Variants in NFIC observed in about 807,000 individuals in gnomAD.
The protein encoded by NFIC is nuclear factor I C.
A neutral mutation model predicts 54.4 loss-of-function variants in NFIC; 12 were observed. The observed-to-expected ratio is 0.22, with a 90% CI of 0.14 to 0.36. NFIC has a LOEUF of 0.36. Ranked by LOEUF, NFIC falls within the 10% of genes least tolerant of loss-of-function variation. The pLI is 1.00. For missense variants in NFIC, 575 were observed against 718.2 expected (o/e 0.80, Z 2.28); for synonymous variants, 322 against 319.2 (o/e 1.01, Z -0.09).
intron 6 of NFIC, among the ~76,000 whole-genome samples, chr19:3,435,663 T>G (rs983107484): frequency 6.6e-6 from 1 of 152,084 alleles, no homozygotes; most frequent in South Asian, 2.1e-4. Context: ...TACTTTTTTT[T>G]TTAACCAGGT....
In NFIC at chr19:3,458,002, G is replaced by A. The variant is rs949193827; in HGVS notation, c.1509+1367G>A. 1 of 152,330 alleles carries A rather than the reference G, an allele frequency of 6.6e-6. No individual in the cohort carries two copies. The highest frequency in any genetic ancestry group is 1.5e-5 in the Non-Finnish European group (1 of 68,120). The allele number at this position is 152,330 out of a possible 1,614,324, so 9.4% of individuals were successfully genotyped here. A position where few individuals can be genotyped will look rare whatever the true frequency, so the allele number is the denominator to read the frequency against. On this transcript the variant is annotated intron_variant, in intron 10 of 10. Coordinates refer to ENST00000443272, the MANE Select transcript of NFIC (RefSeq NM_001245002.2). This position sits in a 1 kb window ranked among gnomAD's most constrained non-coding sequence, Gnocchi z 4.1. ...GGTCAGGGGCCAGGGCTCCAGCCCA[G>A]TGCTGGCTCACCCACTCTGAACCTC...
At chr19:3,385,113 C>A (rs1374766841) in intron 2 of NFIC, among the ~76,000 whole-genome samples, 7 of 150,866 alleles carry the variant, frequency 4.6e-5, no homozygotes, top group Non-Finnish European at 7.4e-5. Context: ...CCCTTGCCCC[C>A]AGCCTGCCCC....
At chr19:3,373,951 T>C (rs146422550) in intron 1 of NFIC, among the ~76,000 whole-genome samples, 17 of 152,322 alleles carry the variant, frequency 1.1e-4, no homozygotes, top group African/African-American at 4.1e-4. Flanking sequence ...GGTTAGAGCC[T>C]GACGCTGGTG....
At chr19:3,362,200 C>T (rs973651247), upstream of NFIC, among the ~76,000 whole-genome samples, 24 of 152,134 alleles carry the variant, frequency 1.6e-4, 1 homozygote, top group Non-Finnish European at 1.5e-4. Flanking sequence ...ATGGGAATAC[C>T]GGGGGGTTCC....
In NFIC at chr19:3,452,812, G is replaced by A. The variant is rs1345614871; in HGVS notation, c.1269+146G>A. 5 of 1,026,468 alleles carry A rather than the reference G, an allele frequency of 4.9e-6. No individual in the cohort carries two copies. The highest frequency in any genetic ancestry group is 7.0e-6 in the Non-Finnish European group (5 of 719,380). 63.6% of individuals were successfully genotyped at this position (1,026,468 alleles called of 1,614,324 possible). A position where few individuals can be genotyped will look rare whatever the true frequency, so the allele number is the denominator to read the frequency against. ...GTCCCCTCCTCTGTCGTGCTGGGAG[G>A]CAGCTGGATTGGGTCAGAATTGAGA... is the stretch of plus-strand genomic sequence containing the variant. On this transcript the variant is annotated intron_variant, in intron 8 of 10. Transcript: ENST00000443272. This position sits in a 1 kb window ranked among gnomAD's most constrained non-coding sequence, Gnocchi z 5.3.
chr19:3,449,176 G>C, intron 7 of NFIC, 37 bp downstream of exon 7: 1 of 1,596,646 alleles, frequency 6.3e-7, no homozygotes, highest in Non-Finnish European at 8.5e-7. Flanking sequence ...AGGGGCGGCG[G>C]GCCCTCCTAT....
upstream of NFIC, among the ~76,000 whole-genome samples, chr19:3,363,265 A>ATTTTT (rs1163144146): frequency 4.1e-5 from 2 of 48,720 alleles, no homozygotes; most frequent in African/African-American, 2.1e-4. Context: ...ATATATATAT[A>ATTTTT]TATATTTTTT....
chr19:3,459,220 G>A lies in NFIC; in HGVS notation c.1509+2585G>A, dbSNP rs376560440. Among the ~76,000 whole-genome samples the A allele has an allele frequency of 4.1e-4, 59 of 143,552 alleles. 1 individual carries two copies. The East Asian group carries it at 4.4e-3, about 11-fold the overall frequency. 94.2% of individuals were successfully genotyped at this position (143,552 alleles called of 152,430 possible). A position where few individuals can be genotyped will look rare whatever the true frequency, so the allele number is the denominator to read the frequency against. On this transcript the variant is annotated intron_variant, in intron 10 of 10. Coordinates refer to ENST00000443272, the MANE Select transcript of NFIC (RefSeq NM_001245002.2). This position sits in a 1 kb window ranked among gnomAD's most constrained non-coding sequence, Gnocchi z 4.2. ...GGCGCGCCTTTCCCTCTGCCTCTCC[G>A]GCTCCCGACACCCCCCAGTCCATGG...
intron 2 of NFIC, among the ~76,000 whole-genome samples, chr19:3,407,145 G>A (rs989237974): frequency 2.0e-5 from 3 of 152,104 alleles, no homozygotes; most frequent in African/African-American, 2.4e-5. Flanking sequence ...GTGGAGTCTC[G>A]CTCTGTCGCC....
At chr19:3,451,833 G>A (rs2082468224) in intron 7 of NFIC, among the ~76,000 whole-genome samples, 1 of 147,966 alleles carries the variant, frequency 6.8e-6, no homozygotes, top group African/African-American at 2.5e-5. Context: ...AAAAAAAGAC[G>A]GGGCCAGGTG....
intron 10 of NFIC, chr19:3,457,926 C>G (rs1177428377): frequency 2.6e-5 from 4 of 152,196 alleles, no homozygotes; most frequent in African/African-American, 9.7e-5. Context: ...ATGGAGGCTG[C>G]TTCTCCTGAG....
intron 2 of NFIC, among the ~76,000 whole-genome samples, chr19:3,407,475 A>G (rs1358638997): frequency 1.4e-5 from 2 of 144,396 alleles, no homozygotes; most frequent in Admixed American, 7.0e-5. Flanking sequence ...TCGCTCTGTC[A>G]CCCAGGCTGG....
rs569069352 is a variant in NFIC, at chr19:3,416,974, G to C, written c.563-8132G>C. Among the ~76,000 whole-genome samples, 91 of 150,910 alleles carry C rather than the reference G, an allele frequency of 6.0e-4. 1 individual carries two copies. The highest frequency in any genetic ancestry group is 2.9e-3 in the South Asian group (14 of 4,774). On this transcript the variant is annotated intron_variant, in intron 2 of 10. Coordinates refer to ENST00000443272, the MANE Select transcript of NFIC (RefSeq NM_001245002.2). ...TCTCGGCTCACTGCAAGCTCCGCCT[G>C]CCGGGTTCACGCCATTCTCCTGCCT... is the stretch of plus-strand genomic sequence containing the variant.
At chr19:3,414,886 CT>C (rs2081827589) in intron 2 of NFIC, among the ~76,000 whole-genome samples, 1 of 152,026 alleles carries the variant, frequency 6.6e-6, no homozygotes, top group Admixed American at 6.6e-5. Context: ...GTGGCCCAGG[CT>C]GGAGTGCAAT....
intron 2 of NFIC, among the ~76,000 whole-genome samples, chr19:3,408,594 G>A (rs796882730): frequency 2.9e-4 from 44 of 152,090 alleles, no homozygotes; most frequent in Middle Eastern, 3.4e-3. Context: ...CATGCAGCAC[G>A]CACCACCACA....
intron 2 of NFIC, among the ~76,000 whole-genome samples, chr19:3,408,159 A>T (rs1285336671): frequency 6.6e-6 from 1 of 151,948 alleles, no homozygotes; most frequent in Non-Finnish European, 1.5e-5. Flanking sequence ...GTGGCGGCCG[A>T]TGCTGGAAAC....
At chr19:3,403,285 C>G (rs945368212) in intron 2 of NFIC, among the ~76,000 whole-genome samples, 1 of 152,204 alleles carries the variant, frequency 6.6e-6, no homozygotes, top group Non-Finnish European at 1.5e-5. Context: ...CCAGCCCCCT[C>G]CCACATTCAA....
intron 3 of NFIC, among the ~76,000 whole-genome samples, chr19:3,429,022 C>G (rs1039607385): frequency 1.3e-5 from 2 of 151,974 alleles, no homozygotes; most frequent in South Asian, 4.2e-4. Flanking sequence ...CGGTGGCTCA[C>G]GCCTGCAATC....
intron 6 of NFIC, among the ~76,000 whole-genome samples, chr19:3,447,016 C>T (rs575119034): frequency 4.0e-5 from 6 of 151,308 alleles, no homozygotes; most frequent in Admixed American, 2.6e-4. Flanking sequence ...ACAAATAACT[C>T]GGCTGGGTGC....
Sources: allele counts gnomAD v4.1 joint callset (sites outside exome capture counted in the v4.1 genomes callset), GRCh38; gene constraint gnomAD v4.1.1; non-coding constraint Gnocchi (gnomAD v3.1); transcripts MANE v1.5; gene names NCBI Gene and HGNC (gene_info 2026-07-23, HGNC 2026-07-21).